The following ACSS2 variants were observed in gnomAD, a reference collection of about 807,000 sequenced individuals.
ACSS2 encodes acyl-CoA synthetase short chain family member 2, also known as acetyl-coenzyme A synthetase, cytoplasmic.
ACSS2 carries 58 observed loss-of-function variants against 90.6 expected under a neutral mutation model. That is an observed-to-expected ratio of 0.64 (90% CI 0.52 to 0.80). The LOEUF is 0.80. ACSS2 is among the 30% of genes least tolerant of loss of function. ACSS2 has a pLI of 0.00. For missense variants in ACSS2, 759 were observed against 912.0 expected (o/e 0.83, Z 2.16); for synonymous variants, 300 against 330.9 (o/e 0.91, Z 1.01).
Position 34,915,206 on chromosome 20 carries a change from G to T in ACSS2, c.834+769G>T, listed in dbSNP as rs185335090. On this transcript the variant is annotated intron_variant, in intron 7 of 17. Coordinates refer to ENST00000360596, the MANE Select transcript of ACSS2 (RefSeq NM_018677.4). ...CCTCCTCACTACCCTTTTCATCCTGGGCTCTTAACAGGGTAAACTGAAAGA... is the reference window on the plus strand; with the variant it reads ...CCTCCTCACTACCCTTTTCATCCTGTGCTCTTAACAGGGTAAACTGAAAGA... 9.3e-6 allele frequency: 15 copies of T among 1,613,890 alleles called. No individual in the cohort carries two copies. The East Asian group carries it at 3.1e-4, about 34-fold the overall frequency.
chr20:34,880,230 A>G (rs1047844579), intron 1 of ACSS2, among the ~76,000 whole-genome samples: 4 of 152,146 alleles, frequency 2.6e-5, no homozygotes, highest in African/African-American at 9.7e-5. Context: ...TATAGTTGAG[A>G]TAGCAGAGAA....
At chr20:34,911,156 T>G (rs1041359669) in intron 2 of ACSS2, among the ~76,000 whole-genome samples, 2 of 150,914 alleles carry the variant, frequency 1.3e-5, no homozygotes, top group African/African-American at 4.9e-5. Flanking sequence ...TGGCTGGGAC[T>G]ATAGGTGCAT....
intron 2 of ACSS2, among the ~76,000 whole-genome samples, chr20:34,884,369 T>C (rs2080138696): frequency 6.6e-6 from 1 of 152,240 alleles, no homozygotes; most frequent in Non-Finnish European, 1.5e-5. Flanking sequence ...GAGAAGAGCC[T>C]TAACCTGAGA....
At chr20:34,902,319 A>G (rs2080681320) in intron 2 of ACSS2, among the ~76,000 whole-genome samples, 1 of 152,188 alleles carries the variant, frequency 6.6e-6, no homozygotes, top group African/African-American at 2.4e-5. Flanking sequence ...TATTAATAAT[A>G]TTAACAATAA....
In ACSS2 at chr20:34,918,245, T is replaced by C. The variant is rs561737608; in HGVS notation, c.835-1190T>C. The stretch of plus-strand genomic sequence containing the variant: ...GAGTCTGTTAAGGCAAGAATGACTG[T>C]CCTCATTTGTAAAAGGAGAGACTTA... On this transcript the variant is annotated intron_variant, in intron 7 of 17. Coordinates refer to ENST00000360596, the MANE Select transcript of ACSS2 (RefSeq NM_018677.4). Among the ~76,000 whole-genome samples the C allele has an allele frequency of 2.0e-5, 3 of 152,340 alleles. No individual in the cohort carries two copies. The South Asian group carries it at 6.2e-4, about 32-fold the overall frequency.
chr20:34,927,080 T>TC lies in ACSS2; in HGVS notation c.1979-3dup. On this transcript the variant is annotated splice_polypyrimidine_tract_variant and splice_region_variant and intron_variant, in intron 17 of 17. Transcript: ENST00000360596. The surrounding 1 kb of genome is among the most constrained non-coding windows in gnomAD (Gnocchi z 4.2). ...CACCAAGTAACTAGAGGTCTGTGGT[T>TC]CCCCAGGGAAAATCATGAGGCGAGT... is the stretch of plus-strand genomic sequence containing the variant. 6.2e-7 allele frequency: 1 copy of TC among 1,613,940 alleles called. No homozygotes were observed. The highest frequency in any genetic ancestry group is 8.5e-7 in the Non-Finnish European group (1 of 1,179,966).
intron 2 of ACSS2, among the ~76,000 whole-genome samples, chr20:34,909,593 A>G (rs2080898163): frequency 6.6e-6 from 1 of 152,126 alleles, no homozygotes; most frequent in Non-Finnish European, 1.5e-5. Context: ...AAACAAATGC[A>G]TGTAGTATAT....
At chr20:34,883,355 G>C (rs1002194754) in intron 2 of ACSS2, among the ~76,000 whole-genome samples, 11 of 152,180 alleles carry the variant, frequency 7.2e-5, no homozygotes, top group Admixed American at 2.0e-4. Flanking sequence ...CTTTTACAGA[G>C]CTGTGTGCCA....
At chr20:34,899,423 T>TTCCTTCCTTCCTTCC (rs2080578711) in intron 2 of ACSS2, among the ~76,000 whole-genome samples, 7 of 113,024 alleles carry the variant, frequency 6.2e-5, no homozygotes, top group East Asian at 2.9e-4. Context: ...TCTTTCTTTC[T>TTCCTTCCTTCCTTCC]TTCCTTCCTT....
At chr20:34,882,656 C>G (rs1194696613) in intron 1 of ACSS2, 138 bp from the exon 2 acceptor site, 1 of 679,482 alleles carries the variant, frequency 1.5e-6, no homozygotes, top group Admixed American at 3.4e-5. Context: ...TAAGATTAGA[C>G]AGGTAAAGAA....
intron 2 of ACSS2, among the ~76,000 whole-genome samples, chr20:34,904,263 A>G (rs1387672485): frequency 6.6e-6 from 1 of 151,874 alleles, no homozygotes; most frequent in Non-Finnish European, 1.5e-5. Context: ...TGGTGATCAA[A>G]GATAACCTTA....
chr20:34,905,124 CCCAGG>C (rs1293176331), intron 2 of ACSS2, among the ~76,000 whole-genome samples: 4 of 151,966 alleles, frequency 2.6e-5, no homozygotes, highest in Non-Finnish European at 5.9e-5. Flanking sequence ...CACCATGTTG[CCCAGG>C]CCAGTCTTGA....
intron 2 of ACSS2, among the ~76,000 whole-genome samples, chr20:34,902,891 A>ATTT (rs34171408): frequency 3.5e-5 from 4 of 115,268 alleles, no homozygotes; most frequent in South Asian, 2.9e-4. Flanking sequence ...ACACCTGGCT[A>ATTT]TTTTTTTTTT....
chr20:34,923,466 C>G, intron 14 of ACSS2, 35 bp downstream of exon 14: 1 of 1,465,016 alleles, frequency 6.8e-7, no homozygotes, highest in Non-Finnish European at 9.6e-7. Flanking sequence ...GCACCTCCCA[C>G]TAAGACATGT....
At chr20:34,890,093 A>G (rs1442953387) in intron 2 of ACSS2, among the ~76,000 whole-genome samples, 2 of 152,210 alleles carry the variant, frequency 1.3e-5, no homozygotes, top group Admixed American at 1.3e-4. Context: ...ATCTGTATAA[A>G]GGGCTTAGTG....
intron 2 of ACSS2, among the ~76,000 whole-genome samples, chr20:34,903,605 G>A (rs2080723908): frequency 6.6e-6 from 1 of 152,032 alleles, no homozygotes; most frequent in Non-Finnish European, 1.5e-5. Context: ...TCTCACCTGG[G>A]TGTTTCTCCT....
In ACSS2 at chr20:34,921,032, C is replaced by T. The variant is rs760720132; in HGVS notation, c.1170C>T (p.Asp390=). 1.2e-5 allele frequency: 19 copies of T among 1,613,982 alleles called. No homozygotes were observed. The highest frequency in any genetic ancestry group is 4.5e-5 in the East Asian group (2 of 44,886). ...VLFEGIPTYP[D]VNRLWSIVDK... ...TTGAGGGGATTCCCACATATCCGGACGTGAACCGCCTGTGGAGCATTGTGG... is the reference window on the plus strand; with the variant it reads ...TTGAGGGGATTCCCACATATCCGGATGTGAACCGCCTGTGGAGCATTGTGG... The change falls in exon 10 of 18, where the codon GAC becomes GAT. Residue 390 remains aspartate, a synonymous_variant. Transcript: ENST00000360596.
Position 34,913,787 on chromosome 20 carries a change from G to T in ACSS2, c.605G>T (p.Arg202Leu). ...AGFSSESLCE[R>L]ILDSSCSLLI... ...TTCTCTTCAGAGTCTCTATGTGAAC[G>T]GATCTTGGATTCCAGCTGCAGTCTT... Residue 202 changes from arginine to leucine, a missense_variant, in exon 5 of 18, where the codon CGG becomes CTG. By Grantham distance (102) the Arg-to-Leu change is moderately radical. Coordinates refer to ENST00000360596, the MANE Select transcript of ACSS2 (RefSeq NM_018677.4). The T allele has an allele frequency of 6.2e-7, 1 of 1,613,986 alleles. No individual in the cohort carries two copies. Among genetic ancestry groups the T allele is most frequent in the South Asian group, 1.1e-5 (1 of 91,070 alleles).
At chr20:34,921,249 G>A in intron 10 of ACSS2, 81 bp from the exon 11 acceptor site, 2 of 1,606,970 alleles carry the variant, frequency 1.2e-6, no homozygotes, top group South Asian at 2.2e-5. Context: ...TGGAATAGAG[G>A]ATGGGGCAAG....
Sources: allele counts gnomAD v4.1 joint callset (sites outside exome capture counted in the v4.1 genomes callset), GRCh38; gene constraint gnomAD v4.1.1; non-coding constraint Gnocchi (gnomAD v3.1); transcripts MANE v1.5; gene names NCBI Gene and HGNC (gene_info 2026-07-23, HGNC 2026-07-21).